ZMYM2: variants seen among roughly 807,000 people sequenced by gnomAD.
ZMYM2 encodes zinc finger MYM-type containing 2, also known as zinc finger MYM-type protein 2.
Under a neutral mutation model 162.8 loss-of-function variants are expected in ZMYM2, and 56 were observed. The observed-to-expected ratio is 0.34, with a 90% CI of 0.28 to 0.43. ZMYM2 has a LOEUF of 0.43. Ranked by LOEUF, ZMYM2 falls within the 20% of genes least tolerant of loss-of-function variation. ZMYM2 has a pLI of 1.00. For synonymous variants in ZMYM2, 510 were observed against 541.6 expected, an observed-to-expected ratio of 0.94 and a Z score of 0.81; for missense variants, 1,275 against 1,621.8, an observed-to-expected ratio of 0.79 and a Z score of 3.67.
the ZMYM2 span, among the ~76,000 whole-genome samples, chr13:19,920,725 T>G: frequency 6.9e-6 from 1 of 143,886 alleles, no homozygotes; most frequent in Non-Finnish European, 1.5e-5. Flanking sequence ...TACATGTCCC[T>G]TCATTTATGT....
intron 6 of ZMYM2, among the ~76,000 whole-genome samples, chr13:20,017,208 A>T (rs547213467): frequency 4.5e-4 from 69 of 152,308 alleles, no homozygotes; most frequent in African/African-American, 1.5e-3. Flanking sequence ...TGACTTTACC[A>T]TGGCTAGGGT....
At chr13:19,977,177 AG>A (rs2139404245) in intron 2 of ZMYM2, among the ~76,000 whole-genome samples, 1 of 151,956 alleles carries the variant, frequency 6.6e-6, no homozygotes, top group Admixed American at 6.5e-5. Flanking sequence ...TTGTATCTGA[AG>A]TGAATCTTTT....
the ZMYM2 span, among the ~76,000 whole-genome samples, chr13:19,873,016 A>G: frequency 4.6e-5 from 7 of 152,284 alleles, no homozygotes; most frequent in African/African-American, 1.7e-4. Context: ...AAATAAATAA[A>G]TAAAATCCCT....
chr13:19,993,230 C>T lies in ZMYM2; in HGVS notation c.158C>T (p.Ser53Leu). 6.2e-7 allele frequency: 1 copy of T among 1,613,942 alleles called. No individual in the cohort carries two copies. The highest frequency in any genetic ancestry group is 8.5e-7 in the Non-Finnish European group (1 of 1,179,882). The change falls in exon 3 of 25, where the codon TCA (serine) becomes TTA (leucine). Residue 53 changes from serine (S) to leucine (L), a missense_variant. Ser to Leu is a moderately radical substitution (Grantham distance 145, BLOSUM62 -2). Around this residue, in one of 10 missense-constraint regions of ZMYM2, gnomAD observed 295 missense variants for 286.7 expected, o/e 1.03. Transcript: ENST00000610343. Reference protein sequence around the residue: ...VSRSNKFQNSSVEDDDDVVFI... With the variant: ...VSRSNKFQNSLVEDDDDVVFI... ...AGATCTAATAAGTTTCAGAACTCGT[C>T]AGTGGAAGATGATGATGATGTTGTT...
the ZMYM2 span, among the ~76,000 whole-genome samples, chr13:19,877,828 A>C: frequency 6.6e-6 from 1 of 152,180 alleles, no homozygotes; most frequent in South Asian, 2.1e-4. Context: ...CATTTTAGCT[A>C]CTGTGAATGA....
intron 12 of ZMYM2, among the ~76,000 whole-genome samples, chr13:20,047,208 A>G (rs568546544): frequency 4.5e-4 from 69 of 152,334 alleles, no homozygotes; most frequent in African/African-American, 1.5e-3. Context: ...GCCTGCAGCC[A>G]TTATTGTAAT....
At chr13:19,918,245 G>A in the ZMYM2 span, among the ~76,000 whole-genome samples, 70 of 152,096 alleles carry the variant, frequency 4.6e-4, no homozygotes, top group African/African-American at 1.6e-3. Flanking sequence ...AGGAGTTCGA[G>A]ACCAGCCGGG....
chr13:19,904,309 CA>C, the ZMYM2 span, among the ~76,000 whole-genome samples: 5 of 152,042 alleles, frequency 3.3e-5, no homozygotes, highest in African/African-American at 1.2e-4. Flanking sequence ...GTAATCCCAG[CA>C]CTTTGGGAGG....
At chr13:19,952,454 C>T in the ZMYM2 span, among the ~76,000 whole-genome samples, 2 of 152,098 alleles carry the variant, frequency 1.3e-5, no homozygotes, top group Non-Finnish European at 2.9e-5. Context: ...TATTTAGTCA[C>T]TGCACAATGT....
At chr13:19,885,172 G>T in the ZMYM2 span, among the ~76,000 whole-genome samples, 3 of 152,188 alleles carry the variant, frequency 2.0e-5, no homozygotes, top group Non-Finnish European at 1.5e-5. Flanking sequence ...AACTCAGAAG[G>T]CTGACGTGGG....
upstream of ZMYM2, among the ~76,000 whole-genome samples, chr13:19,954,685 C>T (rs943533327): frequency 9.9e-5 from 15 of 152,076 alleles, no homozygotes; most frequent in African/African-American, 3.4e-4. Flanking sequence ...ATTTTTGAAT[C>T]CTATGAGAAG....
At position 20,036,855 on chromosome 13, in the gene ZMYM2, G is replaced by A; in HGVS notation, c.2238G>A (p.Val746=). 6.2e-7 allele frequency: 1 copy of A among 1,610,540 alleles called. No homozygotes were observed. The highest frequency in any genetic ancestry group is 1.1e-5 in the South Asian group (1 of 90,288). ...KGATKELDGV[V]RDFCSEDCCK... The stretch of plus-strand genomic sequence containing the variant: ...CAACTAAAGAACTCGATGGTGTTGT[G>A]AGAGATTTCTGCAGTGAAGATTGCT... The change falls in exon 12 of 25, where the codon GTG becomes GTA. Residue 746 remains valine (V), a synonymous_variant. Transcript: ENST00000610343.
At chr13:19,894,620 C>A in the ZMYM2 span, among the ~76,000 whole-genome samples, 1 of 151,850 alleles carries the variant, frequency 6.6e-6, no homozygotes, top group Non-Finnish European at 1.5e-5. Context: ...GTTGGACAGG[C>A]GTGAGCCACC....
chr13:19,930,876 A>G, the ZMYM2 span, among the ~76,000 whole-genome samples: 1 of 150,194 alleles, frequency 6.7e-6, no homozygotes, highest in Admixed American at 6.6e-5. Context: ...GCGGTGGCTC[A>G]TGCCTGTAAT....
chr13:19,917,321 GCT>G, the ZMYM2 span, among the ~76,000 whole-genome samples: 1 of 152,082 alleles, frequency 6.6e-6, no homozygotes, highest in Non-Finnish European at 1.5e-5. Context: ...GGGTGCAGTG[GCT>G]CACGCCTGTA....
the ZMYM2 span, among the ~76,000 whole-genome samples, chr13:19,890,697 T>C: frequency 4.0e-5 from 6 of 151,372 alleles, no homozygotes; most frequent in South Asian, 1.3e-3. Context: ...GGTAAAACCC[T>C]GTCTCTACTA....
chr13:20,055,872 G>A (rs940354548), intron 14 of ZMYM2, among the ~76,000 whole-genome samples: 3 of 151,984 alleles, frequency 2.0e-5, no homozygotes, highest in African/African-American at 7.3e-5. Flanking sequence ...ATGTTAAAAC[G>A]TTCTTGGCTA....
At chr13:19,954,407 C>G (rs1016517089), upstream of ZMYM2, among the ~76,000 whole-genome samples, 2 of 151,698 alleles carry the variant, frequency 1.3e-5, no homozygotes, top group Non-Finnish European at 2.9e-5. Context: ...TGAGCCACCG[C>G]GCCTGGCCTG....
chr13:20,076,027 C>G (rs1957482901), intron 21 of ZMYM2, among the ~76,000 whole-genome samples: 1 of 141,636 alleles, frequency 7.1e-6, no homozygotes, highest in East Asian at 1.9e-4. Context: ...CACCTTATCA[C>G]TGTTAGCTAG....
Sources: gnomAD v4.1 joint callset for allele counts (sites outside exome capture counted in the v4.1 genomes callset) on GRCh38, gnomAD v4.1.1 for gene constraint, gnomAD v4.1.1 regional missense constraint, MANE v1.5 for transcripts, NCBI Gene and HGNC (gene_info 2026-07-23, HGNC 2026-07-21) for gene names.